Variants in ARVCF observed in about 807,000 individuals in gnomAD.
ARVCF encodes ARVCF delta catenin family member.
ARVCF carries 66 observed loss-of-function variants against 90.9 expected under a neutral mutation model. That is an observed-to-expected ratio of 0.73 (90% CI 0.60 to 0.89). The LOEUF is 0.89. Ranked by LOEUF, ARVCF falls within the 40% of genes least tolerant of loss-of-function variation. The pLI is 0.00. For missense variants in ARVCF, 1,469 were observed against 1,382.3 expected (o/e 1.06, Z -1.00); for synonymous variants, 653 against 603.4 (o/e 1.08, Z -1.21).
At chr22:19,977,808 G>C in intron 8 of ARVCF, 150 bp downstream of exon 8, 1 of 1,073,800 alleles carries the variant, frequency 9.3e-7, no homozygotes, top group Non-Finnish European at 1.3e-6. Flanking sequence ...GCCCACTTCA[G>C]TGTGGTCACT....
chr22:19,988,705 G>A (rs1943913282), intron 3 of ARVCF, among the ~76,000 whole-genome samples: 1 of 152,214 alleles, frequency 6.6e-6, no homozygotes, highest in African/African-American at 2.4e-5. Context: ...CAGGTAGATC[G>A]CTAGGCACTT....
At chr22:19,995,816 T>C (rs1404048666) in intron 2 of ARVCF, among the ~76,000 whole-genome samples, 1 of 152,068 alleles carries the variant, frequency 6.6e-6, no homozygotes, top group Non-Finnish European at 1.5e-5. Context: ...ACGGGACGGA[T>C]GACCATCGAG....
At chr22:20,000,101 T>C (rs1944392540) in intron 2 of ARVCF, among the ~76,000 whole-genome samples, 1 of 152,148 alleles carries the variant, frequency 6.6e-6, no homozygotes, top group Non-Finnish European at 1.5e-5. Flanking sequence ...TGTACCCTTC[T>C]CCCACCCAGC....
chr22:19,998,695 G>T (rs1019345710), intron 2 of ARVCF, among the ~76,000 whole-genome samples: 27 of 152,192 alleles, frequency 1.8e-4, no homozygotes, highest in Non-Finnish European at 3.7e-4. Flanking sequence ...GGGAGCTCCC[G>T]CCAGTCAGGA....
intron 18 of ARVCF, 66 bp downstream of exon 18, chr22:19,971,820 G>GCT: frequency 6.4e-7 from 1 of 1,555,290 alleles, no homozygotes; most frequent in Non-Finnish European, 8.9e-7. Context: ...GGCCTAGGCT[G>GCT]CTCTCCAGCA....
At chr22:19,984,140 C>T (rs1799082515) in intron 3 of ARVCF, among the ~76,000 whole-genome samples, 1 of 152,178 alleles carries the variant, frequency 6.6e-6, no homozygotes, top group African/African-American at 2.4e-5. Context: ...ACCCAGGACT[C>T]TGCCAGTGGG....
At chr22:19,984,194 T>A (rs1431252226) in intron 3 of ARVCF, among the ~76,000 whole-genome samples, 1 of 151,992 alleles carries the variant, frequency 6.6e-6, no homozygotes, top group Non-Finnish European at 1.5e-5. Context: ...TATTAAAAAC[T>A]CAGAGAAAAA....
rs777674943 is a variant in ARVCF at position 19,981,391 on chromosome 22, C to A, written c.716G>T (p.Gly239Val). The change falls in exon 5 of 20, where the codon GGT (glycine) becomes GTT (valine). Residue 239 changes from glycine to valine, a missense_variant. Physicochemically the swap from Gly to Val is moderately radical, Grantham distance 109. Coordinates refer to ENST00000263207, the MANE Select transcript of ARVCF (RefSeq NM_001670.3). ...LPGHREAFPVGPEPGPPGGRS... is the reference protein window; with the variant it reads ...LPGHREAFPVVPEPGPPGGRS... ...GCCACCTGGTGGCCCAGGCTCAGGA[C>A]CCACCGGGAAGGCTTCCCGGTGGCC... 1.3e-6 allele frequency: 2 copies of A among 1,593,858 alleles called. No homozygotes were observed. Among genetic ancestry groups the A allele is most frequent in the East Asian group, 2.3e-5 (1 of 43,732 alleles).
chr22:20,008,077 A>C (rs987186205), intron 2 of ARVCF, among the ~76,000 whole-genome samples: 2 of 152,248 alleles, frequency 1.3e-5, no homozygotes, highest in African/African-American at 4.8e-5. Context: ...AAATGATCAT[A>C]AACAAAAACT....
chr22:20,016,361 G>A (rs986182528), intron 1 of ARVCF, among the ~76,000 whole-genome samples: 1 of 151,726 alleles, frequency 6.6e-6, no homozygotes, highest in Non-Finnish European at 1.5e-5. Context: ...CGCCCCCGCC[G>A]GCCCGGGGTC....
At position 20,008,772 on chromosome 22, in the gene ARVCF, C is replaced by T. The variant is rs116170044; in HGVS notation, c.-19+1683G>A. On this transcript the variant is annotated intron_variant, in intron 2 of 19. Transcript: ENST00000263207. ...GGCACAAATGCCATCACCCATCGCA[C>T]CAGTGCCCAGGGCAGACATGAAAAA... Among the ~76,000 whole-genome samples the T allele has an allele frequency of 4.5e-3, 690 of 152,316 alleles. 5 individuals carry two copies. The highest frequency in any genetic ancestry group is 0.015 in the African/African-American group (627 of 41,566).
intron 11 of ARVCF, among the ~76,000 whole-genome samples, chr22:19,974,762 C>T (rs2146260158): frequency 6.6e-6 from 1 of 152,246 alleles, no homozygotes; most frequent in South Asian, 2.1e-4. Context: ...CAATAGAGCC[C>T]ACCCTCTGTA....
At chr22:19,985,725 G>A (rs1943733530) in intron 3 of ARVCF, among the ~76,000 whole-genome samples, 1 of 147,662 alleles carries the variant, frequency 6.8e-6, no homozygotes. Flanking sequence ...ATGCACCACG[G>A]TCTGTGTCCT....
chr22:19,994,913 T>TG (rs145552860), intron 2 of ARVCF, among the ~76,000 whole-genome samples: 23 of 53,036 alleles, frequency 4.3e-4, no homozygotes, highest in African/African-American at 1.1e-3. Flanking sequence ...TATGGATGGA[T>TG]GGGGGGGGAT....
At chr22:20,001,560 T>C (rs914866197) in intron 2 of ARVCF, among the ~76,000 whole-genome samples, 4 of 152,242 alleles carry the variant, frequency 2.6e-5, no homozygotes, top group Non-Finnish European at 4.4e-5. Flanking sequence ...TCCCAGCACT[T>C]TGGAAGGCCA....
At chr22:19,968,679 G>A (rs777714694), downstream of ARVCF, 1 of 1,613,940 alleles carries the variant, frequency 6.2e-7, no homozygotes, top group South Asian at 1.1e-5. Flanking sequence ...ACAGGGAGGT[G>A]GTGGACGGCC....
chr22:20,011,491 G>T (rs529695426), intron 1 of ARVCF, among the ~76,000 whole-genome samples: 2 of 152,170 alleles, frequency 1.3e-5, no homozygotes, highest in Non-Finnish European at 2.9e-5. Flanking sequence ...GTGTTTCCCC[G>T]TCTCACGACA....
At chr22:20,016,272 G>C (rs1945138310) in intron 1 of ARVCF, among the ~76,000 whole-genome samples, 1 of 152,088 alleles carries the variant, frequency 6.6e-6, no homozygotes, top group South Asian at 2.1e-4. Context: ...TGCGGGGTCG[G>C]GCCGCGCTCG....
rs1878553411 is a variant in ARVCF, at chr22:19,979,073, C to T, written c.1404G>A (p.Leu468=). Residue 468 remains leucine, a synonymous_variant, in exon 7 of 20, where the codon CTG becomes CTA. Transcript: ENST00000263207. Reference sequence around the variant, plus strand: ...GGGGCTCATAGGATGACAGGTTCCACAGGGTGCCTGTGGGGTGCGATTGGC... The same window carrying T: ...GGGGCTCATAGGATGACAGGTTCCATAGGGTGCCTGTGGGGTGCGATTGGC... ...NEVRELVTGT[L]WNLSSYEPLK... is the part of the protein sequence containing the mutation. 1 of 1,612,472 alleles carries T rather than the reference C, an allele frequency of 6.2e-7. No individual in the cohort carries two copies. Among genetic ancestry groups the T allele is most frequent in the Non-Finnish European group, 8.5e-7 (1 of 1,179,390 alleles).
Sources: gnomAD v4.1 joint callset for allele counts (sites outside exome capture counted in the v4.1 genomes callset) on GRCh38, gnomAD v4.1.1 for gene constraint, MANE v1.5 for transcripts, NCBI Gene and HGNC (gene_info 2026-07-23, HGNC 2026-07-21) for gene names.